The following ZNF362 variants were observed in gnomAD, a reference collection of about 807,000 sequenced individuals.
ZNF362 encodes rotund homolog.
In ZNF362, 11 loss-of-function variants were observed where a neutral mutation model predicts 42.9. The observed-to-expected ratio is 0.26, with a 90% confidence interval of 0.16 to 0.42. The LOEUF (loss-of-function observed/expected upper bound fraction) is 0.42, where lower values mean the gene tolerates loss of function less well. Ranked by LOEUF, ZNF362 falls within the 20% of genes least tolerant of loss-of-function variation. The pLI, the probability that ZNF362 is intolerant of heterozygous loss-of-function variation, is 1.00. For synonymous variants in ZNF362, 255 were observed against 257.3 expected (o/e 0.99, Z 0.09); for missense variants, 362 against 576.2 (o/e 0.63, Z 3.81).
the ZNF362 span, among the ~76,000 whole-genome samples, chr1:33,231,648 A>C: frequency 6.6e-6 from 1 of 152,154 alleles, no homozygotes; most frequent in Non-Finnish European, 1.5e-5. Context: ...TGTCTCCCCA[A>C]CTAGAGAGTG....
chr1:33,203,527 T>C, the ZNF362 span, among the ~76,000 whole-genome samples: 1 of 152,226 alleles, frequency 6.6e-6, no homozygotes, highest in Non-Finnish European at 1.5e-5. Flanking sequence ...CTTCTATTTT[T>C]AATTTCTTTG....
chr1:33,149,080 C>A, the ZNF362 span, among the ~76,000 whole-genome samples: 3 of 152,182 alleles, frequency 2.0e-5, no homozygotes, highest in Admixed American at 6.5e-5. Context: ...AAAGGCCCAC[C>A]CTTTGGGAAG....
chr1:33,217,935 T>A, the ZNF362 span, among the ~76,000 whole-genome samples: 24 of 152,208 alleles, frequency 1.6e-4, no homozygotes, highest in Non-Finnish European at 3.1e-4. Context: ...TTACTTTGAT[T>A]ACATACTCAC....
the ZNF362 span, among the ~76,000 whole-genome samples, chr1:33,156,782 C>T: frequency 6.6e-6 from 1 of 152,216 alleles, no homozygotes; most frequent in African/African-American, 2.4e-5. Flanking sequence ...CATCACAAAC[C>T]TTACAGGCTT....
chr1:33,294,757 A>G lies in ZNF362; in HGVS notation c.909-180A>G, dbSNP rs997059712. ...TCAGACTGGCAGTGGAGGCCAGAGAAGGAAGGAAGAGCCATGGCCGTTGAA... is the reference window on the plus strand; with the variant it reads ...TCAGACTGGCAGTGGAGGCCAGAGAGGGAAGGAAGAGCCATGGCCGTTGAA... On this transcript the variant is annotated intron_variant, in intron 6 of 8. Transcript: ENST00000539719. The surrounding 1 kb of genome is among the most constrained non-coding windows in gnomAD (Gnocchi z 4.2). 6.6e-6 allele frequency among the ~76,000 whole-genome samples: 1 copy of G among 152,122 alleles called. No homozygotes were observed. Among genetic ancestry groups the G allele is most frequent in the Non-Finnish European group, 1.5e-5 (1 of 68,010 alleles).
the ZNF362 span, among the ~76,000 whole-genome samples, chr1:33,210,862 G>A: frequency 6.6e-6 from 1 of 151,814 alleles, no homozygotes; most frequent in Admixed American, 6.6e-5. Context: ...ACACCGATGG[G>A]TCTTAACCCG....
chr1:33,216,707 C>A, the ZNF362 span, among the ~76,000 whole-genome samples: 1 of 150,076 alleles, frequency 6.7e-6, no homozygotes, highest in Non-Finnish European at 1.5e-5. Context: ...AAAGAAGGAT[C>A]AAAAGCTTCG....
the ZNF362 span, among the ~76,000 whole-genome samples, chr1:33,189,644 T>TAC: frequency 0.017 from 288 of 16,868 alleles, 21 homozygotes; most frequent in African/African-American, 0.033. Flanking sequence ...CATATATATA[T>TAC]ATATATATAT....
At chr1:33,187,793 G>T in the ZNF362 span, among the ~76,000 whole-genome samples, 2 of 152,184 alleles carry the variant, frequency 1.3e-5, no homozygotes, top group Non-Finnish European at 2.9e-5. Context: ...AGAGCCTAAA[G>T]CTTTGGCAAT....
At chr1:33,215,078 G>C in the ZNF362 span, among the ~76,000 whole-genome samples, 2 of 152,188 alleles carry the variant, frequency 1.3e-5, no homozygotes, top group Non-Finnish European at 1.5e-5. Context: ...CAATAGCCAA[G>C]ATTTGGAATC....
At chr1:33,132,187 A>G in the ZNF362 span, among the ~76,000 whole-genome samples, 26,584 of 152,150 alleles carry the variant, frequency 0.17, 2,997 homozygotes, top group Middle Eastern at 0.28. Context: ...TGAGCTGCCT[A>G]CTGCTTTTTT....
At chr1:33,150,595 G>C in the ZNF362 span, among the ~76,000 whole-genome samples, 2 of 152,220 alleles carry the variant, frequency 1.3e-5, no homozygotes, top group African/African-American at 4.8e-5. Flanking sequence ...CATAGAAGAC[G>C]GGGAACCAAG....
chr1:33,157,430 G>A, the ZNF362 span, among the ~76,000 whole-genome samples: 1 of 151,924 alleles, frequency 6.6e-6, no homozygotes, highest in African/African-American at 2.4e-5. Flanking sequence ...TCTCAGTGCG[G>A]GCTGGTTCCT....
At chr1:33,129,666 C>G in the ZNF362 span, among the ~76,000 whole-genome samples, 1 of 152,136 alleles carries the variant, frequency 6.6e-6, no homozygotes, top group Non-Finnish European at 1.5e-5. The surrounding 1 kb of genome is among the most constrained non-coding windows in gnomAD (Gnocchi z 4.1). Flanking sequence ...CTTCCCTTCT[C>G]GAAGAGAAAA....
At chr1:33,147,497 C>T in the ZNF362 span, 364 of 1,613,186 alleles carry the variant, frequency 2.3e-4, no homozygotes, top group African/African-American at 3.6e-3. The surrounding 1 kb of genome is among the most constrained non-coding windows in gnomAD (Gnocchi z 8.1). Flanking sequence ...CTTGCGGCTT[C>T]GTGTGCCAGC....
chr1:33,252,733 A>C (rs1039959150), upstream of ZNF362, among the ~76,000 whole-genome samples: 38 of 152,332 alleles, frequency 2.5e-4, no homozygotes, highest in Middle Eastern at 3.4e-3. Context: ...AAAAACAGAA[A>C]GTGTGAGACA....
intron 6 of ZNF362, among the ~76,000 whole-genome samples, chr1:33,284,222 A>G (rs1646016468): frequency 6.6e-6 from 1 of 152,256 alleles, no homozygotes; most frequent in South Asian, 2.1e-4. Flanking sequence ...AGCCATAAGC[A>G]GGTCCAGTCC....
intron 6 of ZNF362, among the ~76,000 whole-genome samples, chr1:33,283,756 G>A (rs1456186285): frequency 6.6e-6 from 1 of 152,166 alleles, no homozygotes; most frequent in East Asian, 1.9e-4. Context: ...AGCAGGGCCA[G>A]GTGTCAGTCT....
At chr1:33,154,521 T>C in the ZNF362 span, among the ~76,000 whole-genome samples, 5 of 151,472 alleles carry the variant, frequency 3.3e-5, no homozygotes, top group Non-Finnish European at 7.4e-5. Context: ...TTTTTGAGGC[T>C]GGGCGCGGTG....
Sources: allele counts gnomAD v4.1 joint callset (sites outside exome capture counted in the v4.1 genomes callset), GRCh38; gene constraint gnomAD v4.1.1; non-coding constraint Gnocchi (gnomAD v3.1); transcripts MANE v1.5; gene names NCBI Gene and HGNC (gene_info 2026-07-23, HGNC 2026-07-21).